The following GPR19 variants were observed in gnomAD, a reference collection of about 807,000 sequenced individuals.
GPR19 encodes the protein G protein-coupled receptor 19, also known as probable G protein-coupled receptor 19.
In GPR19, 14 loss-of-function variants were observed where a neutral mutation model predicts 28.5. The observed-to-expected ratio is 0.49, with a 90% CI of 0.32 to 0.77. The LOEUF (loss-of-function observed/expected upper bound fraction) is 0.77. Ranked by LOEUF, GPR19 falls within the 30% of genes least tolerant of loss-of-function variation. The probability of loss-of-function intolerance (pLI) is 0.03; values close to 1 mark genes in which losing one functional copy is unlikely to be tolerated. For synonymous variants in GPR19, 173 were observed against 184.1 expected (o/e 0.94, Z 0.49); for missense variants, 409 against 504.1 (o/e 0.81, Z 1.81).
At chr12:12,674,381 A>C (rs1318385271) in intron 3 of GPR19, among the ~76,000 whole-genome samples, 1 of 151,934 alleles carries the variant, frequency 6.6e-6, no homozygotes, top group Non-Finnish European at 1.5e-5. Flanking sequence ...TTGAGGCTGC[A>C]GTAAGCTGTG....
intron 1 of GPR19, 35 bp from the exon 2 acceptor site, chr12:12,695,546 C>T (rs958526584): frequency 2.0e-4 from 30 of 152,168 alleles, no homozygotes; most frequent in Admixed American, 3.9e-4. Context: ...TGGTCAGATC[C>T]CTCGAGACAG....
At chr12:12,669,405 A>C (rs1196307663) in intron 3 of GPR19, among the ~76,000 whole-genome samples, 1 of 152,256 alleles carries the variant, frequency 6.6e-6, no homozygotes, top group Non-Finnish European at 1.5e-5. Context: ...GTATTATCCC[A>C]AGTAGGAAAT....
upstream of GPR19, among the ~76,000 whole-genome samples, chr12:12,696,550 A>T (rs966468265): frequency 6.6e-6 from 1 of 152,110 alleles, no homozygotes; most frequent in African/African-American, 2.4e-5. Context: ...CAGAAACAAA[A>T]TTTTTTAAAA....
chr12:12,686,185 G>A (rs1049732104), intron 2 of GPR19, among the ~76,000 whole-genome samples: 15 of 152,308 alleles, frequency 9.8e-5, no homozygotes, highest in African/African-American at 3.4e-4. Flanking sequence ...ATGCTGACTT[G>A]CAATGTGTAG....
chr12:12,696,324 G>A (rs1418375295), upstream of GPR19: 1 of 139,652 alleles, frequency 7.2e-6, no homozygotes, highest in Non-Finnish European at 1.5e-5. Flanking sequence ...CCGTGGCGTT[G>A]AGATCCCACC....
rs954481389 is a variant in GPR19 at position 12,669,193 on chromosome 12, C to T, written c.-22-6723G>A. ...TGAACAGTTTTAAAAAATGATCACT[C>T]CCACAACGCACTGCACAGAAGCTTA... On this transcript the variant is annotated intron_variant, in intron 3 of 3. Transcript: ENST00000651487. 33 of 152,200 alleles carry T rather than the reference C, an allele frequency of 2.2e-4. 1 individual carries two copies. Among genetic ancestry groups the T allele is most frequent in the Non-Finnish European group, 1.3e-4 (9 of 68,028 alleles). 9.4% of individuals were successfully genotyped at this position (152,200 alleles called of 1,614,324 possible). A position where few individuals can be genotyped will look rare whatever the true frequency, so the allele number is the denominator to read the frequency against.
intron 2 of GPR19, among the ~76,000 whole-genome samples, chr12:12,685,259 T>A (rs1465979863): frequency 8.3e-6 from 1 of 120,494 alleles, no homozygotes; most frequent in Non-Finnish European, 1.7e-5. Flanking sequence ...ACTCTTTAAA[T>A]ATGGTCTTTT....
the GPR19 span, among the ~76,000 whole-genome samples, chr12:12,701,817 G>C: frequency 6.6e-6 from 1 of 150,948 alleles, no homozygotes; most frequent in African/African-American, 2.4e-5. Flanking sequence ...TGTCATCCTA[G>C]CTGCTTGGGA....
chr12:12,673,602 G>T (rs891935220), intron 3 of GPR19, among the ~76,000 whole-genome samples: 5 of 152,204 alleles, frequency 3.3e-5, no homozygotes, highest in Non-Finnish European at 7.3e-5. Context: ...AGGTTATATG[G>T]CAGCTGAAAC....
At chr12:12,694,059 A>G (rs1457436875) in intron 2 of GPR19, among the ~76,000 whole-genome samples, 1 of 152,156 alleles carries the variant, frequency 6.6e-6, no homozygotes, top group Non-Finnish European at 1.5e-5. Context: ...GAGGGTTTTA[A>G]GAAAGTACTG....
upstream of GPR19, among the ~76,000 whole-genome samples, chr12:12,697,483 C>CA (rs1296835413): frequency 2.0e-5 from 3 of 152,166 alleles, no homozygotes; most frequent in Admixed American, 2.0e-4. Context: ...CTGGTAGATT[C>CA]AGCCAAACCT....
At chr12:12,668,128 A>G (rs1945808039) in intron 3 of GPR19, among the ~76,000 whole-genome samples, 1 of 152,212 alleles carries the variant, frequency 6.6e-6, no homozygotes, top group African/African-American at 2.4e-5. Context: ...CTAGCAGAAA[A>G]TAATAACCCC....
intron 3 of GPR19, among the ~76,000 whole-genome samples, chr12:12,677,718 A>G (rs7968361): frequency 0.058 from 8,833 of 152,206 alleles, 333 homozygotes; most frequent in East Asian, 0.2. Flanking sequence ...CAGTTTATAA[A>G]TGATCATTTC....
At chr12:12,675,139 G>A (rs1945911602) in intron 3 of GPR19, among the ~76,000 whole-genome samples, 1 of 152,196 alleles carries the variant, frequency 6.6e-6, no homozygotes, top group Non-Finnish European at 1.5e-5. Flanking sequence ...TTGAGGCCTG[G>A]ACTTAGGACT....
intron 3 of GPR19, among the ~76,000 whole-genome samples, chr12:12,676,131 G>A (rs1945927789): frequency 6.6e-6 from 1 of 152,140 alleles, no homozygotes; most frequent in African/African-American, 2.4e-5. Context: ...AAAGAGTATA[G>A]TGCTTTCTAC....
intron 3 of GPR19, among the ~76,000 whole-genome samples, chr12:12,671,149 A>T (rs930951167): frequency 5.3e-5 from 8 of 151,948 alleles, no homozygotes; most frequent in South Asian, 2.1e-4. Flanking sequence ...AAATAAAAAA[A>T]AAAAAAATTA....
At chr12:12,677,847 G>A (rs1050215152) in intron 3 of GPR19, among the ~76,000 whole-genome samples, 1 of 151,848 alleles carries the variant, frequency 6.6e-6, no homozygotes, top group Non-Finnish European at 1.5e-5. Context: ...GCCAAGGCGA[G>A]TGGATCACCT....
At chr12:12,711,312 C>T in the GPR19 span, among the ~76,000 whole-genome samples, 3 of 150,900 alleles carry the variant, frequency 2.0e-5, no homozygotes, top group African/African-American at 7.3e-5. Flanking sequence ...AAAAAAAGAC[C>T]CCAAAATGAA....
intron 3 of GPR19, among the ~76,000 whole-genome samples, chr12:12,681,868 A>G (rs10772591): frequency 0.33 from 49,456 of 148,836 alleles, 8,355 homozygotes; most frequent in Admixed American, 0.43. Flanking sequence ...AAAATGCCCC[A>G]GGAAAATCTT....
Sources: allele counts gnomAD v4.1 joint callset (sites outside exome capture counted in the v4.1 genomes callset), GRCh38; gene constraint gnomAD v4.1.1; transcripts MANE v1.5; gene names NCBI Gene and HGNC (gene_info 2026-07-23, HGNC 2026-07-21).